Variants in RANBP9 observed in about 807,000 individuals in gnomAD.
RANBP9 encodes ran-binding protein 9.
Under a neutral mutation model 84.3 loss-of-function variants are expected in RANBP9, and 15 were observed. That is an observed-to-expected ratio of 0.18 (90% CI 0.12 to 0.27). The LOEUF (loss-of-function observed/expected upper bound fraction) is 0.27, where lower values mean the gene tolerates loss of function less well. RANBP9 is among the 10% of genes least tolerant of loss of function. The pLI, the probability that RANBP9 is intolerant of heterozygous loss-of-function variation, is 1.00. For missense variants in RANBP9, 809 were observed against 912.8 expected (o/e 0.89, Z 1.46); for synonymous variants, 392 against 349.6 (o/e 1.12, Z -1.35).
chr6:13,659,257 T>C (rs3839574), intron 2 of RANBP9, among the ~76,000 whole-genome samples: 2,336 of 130,494 alleles, frequency 0.018, 65 homozygotes, highest in East Asian at 0.086. Flanking sequence ...CACACACACA[T>C]ACACACACAC....
In RANBP9 at chr6:13,626,714, T is replaced by C. The variant is rs142561345; in HGVS notation, c.1948-950A>G. ...CTGCAGAAACTGTCAATTTGTGAGT[T>C]CAGGAACACAACACTTTGAAAATAC... On this transcript the variant is annotated intron_variant, in intron 12 of 13. Coordinates refer to ENST00000011619, the MANE Select transcript of RANBP9 (RefSeq NM_005493.3). Among the ~76,000 whole-genome samples, 540 of 152,284 alleles carry C rather than the reference T, an allele frequency of 3.5e-3. 1 individual carries two copies. The highest frequency in any genetic ancestry group is 0.012 in the African/African-American group (502 of 41,542).
intron 4 of RANBP9, among the ~76,000 whole-genome samples, chr6:13,652,899 TACACA>T (rs1196445288): frequency 6.6e-6 from 1 of 152,162 alleles, no homozygotes; most frequent in Non-Finnish European, 1.5e-5. Flanking sequence ...TTGCTAGTCA[TACACA>T]AATTTTATTT....
At chr6:13,684,005 A>G (rs969161928) in intron 2 of RANBP9, among the ~76,000 whole-genome samples, 1 of 152,210 alleles carries the variant, frequency 6.6e-6, no homozygotes, top group Non-Finnish European at 1.5e-5. Flanking sequence ...GGTTTTTAGA[A>G]CATATCCAAA....
intron 13 of RANBP9, among the ~76,000 whole-genome samples, chr6:13,625,226 G>A (rs766423024): frequency 1.3e-5 from 2 of 152,198 alleles, no homozygotes; most frequent in Admixed American, 6.5e-5. Flanking sequence ...GCAGCCAAAC[G>A]AGAGAATGCC....
At chr6:13,635,003 C>T (rs1340957644) in intron 10 of RANBP9, among the ~76,000 whole-genome samples, 2 of 152,194 alleles carry the variant, frequency 1.3e-5, no homozygotes, top group Non-Finnish European at 2.9e-5. Flanking sequence ...GAACCCGCTT[C>T]ACCTCGTTCC....
At chr6:13,704,097 T>C (rs1758039172) in intron 1 of RANBP9, among the ~76,000 whole-genome samples, 1 of 152,238 alleles carries the variant, frequency 6.6e-6, no homozygotes, top group Non-Finnish European at 1.5e-5. Context: ...CAAATATATC[T>C]GCCTTTCTCT....
At chr6:13,672,287 G>T (rs946985631) in intron 2 of RANBP9, among the ~76,000 whole-genome samples, 3 of 152,032 alleles carry the variant, frequency 2.0e-5, no homozygotes, top group African/African-American at 7.2e-5. Flanking sequence ...TTCTTTTGAA[G>T]GTCCGTTCAG....
At chr6:13,625,597 T>G (rs1584905960) in intron 13 of RANBP9, 56 bp downstream of exon 13, 2 of 1,274,082 alleles carry the variant, frequency 1.6e-6, no homozygotes, top group East Asian at 4.7e-5. Context: ...ACAAACACCC[T>G]CTCTTAAATT....
intron 11 of RANBP9, among the ~76,000 whole-genome samples, chr6:13,633,579 G>A (rs1049694280): frequency 2.0e-5 from 3 of 152,228 alleles, no homozygotes; most frequent in Non-Finnish European, 4.4e-5. Context: ...CACACAGCTA[G>A]TAAATGGCAG....
intron 2 of RANBP9, among the ~76,000 whole-genome samples, chr6:13,660,344 A>G (rs1258990825): frequency 6.6e-6 from 1 of 152,014 alleles, no homozygotes; most frequent in Non-Finnish European, 1.5e-5. Flanking sequence ...CCTTGTCTCA[A>G]AAAAAAACAA....
chr6:13,698,124 C>A (rs1189528572), intron 1 of RANBP9, among the ~76,000 whole-genome samples: 4 of 152,064 alleles, frequency 2.6e-5, no homozygotes, highest in Middle Eastern at 3.2e-3. Flanking sequence ...ACTTGCAATG[C>A]AAATTAGTAC....
intron 2 of RANBP9, among the ~76,000 whole-genome samples, chr6:13,688,967 C>T (rs1766260502): frequency 7.7e-6 from 1 of 129,280 alleles, no homozygotes; most frequent in Non-Finnish European, 1.6e-5. Flanking sequence ...TGCAACATAC[C>T]GAGACCCATC....
chr6:13,689,434 C>G (rs1252342204), intron 2 of RANBP9, among the ~76,000 whole-genome samples: 1 of 152,002 alleles, frequency 6.6e-6, no homozygotes, highest in Non-Finnish European at 1.5e-5. Flanking sequence ...CCACACCCAG[C>G]TAATTTTTGT....
chr6:13,682,493 C>T (rs1584940427), intron 2 of RANBP9, among the ~76,000 whole-genome samples: 2 of 151,416 alleles, frequency 1.3e-5, no homozygotes, highest in Admixed American at 1.3e-4. Context: ...GCTCTTGTTG[C>T]CCAGCCTGCA....
At chr6:13,674,835 T>A (rs1765853857) in intron 2 of RANBP9, among the ~76,000 whole-genome samples, 1 of 152,212 alleles carries the variant, frequency 6.6e-6, no homozygotes, top group Non-Finnish European at 1.5e-5. Context: ...ACCCTTACTT[T>A]AAAGTAGTTA....
intron 2 of RANBP9, among the ~76,000 whole-genome samples, chr6:13,665,504 T>C (rs1451265022): frequency 6.6e-6 from 1 of 152,134 alleles, no homozygotes; most frequent in Non-Finnish European, 1.5e-5. Context: ...TTGCCAAGCA[T>C]ATGGCACAAC....
intron 5 of RANBP9, among the ~76,000 whole-genome samples, chr6:13,649,947 T>C (rs529671182): frequency 6.6e-6 from 1 of 152,316 alleles, no homozygotes; most frequent in Admixed American, 6.5e-5. Context: ...TCCAATCCAT[T>C]AGCCAATTCT....
intron 9 of RANBP9, among the ~76,000 whole-genome samples, chr6:13,638,909 T>C (rs939970826): frequency 1.3e-5 from 2 of 152,154 alleles, no homozygotes; most frequent in Admixed American, 6.5e-5. Context: ...TGGTAACCAG[T>C]GGCATAAGGT....
At chr6:13,684,358 A>G (rs1766116794) in intron 2 of RANBP9, among the ~76,000 whole-genome samples, 2 of 152,190 alleles carry the variant, frequency 1.3e-5, no homozygotes, top group African/African-American at 4.8e-5. Context: ...TAAATCTCTC[A>G]TTTTGTCTGA....
Sources: allele counts gnomAD v4.1 joint callset (sites outside exome capture counted in the v4.1 genomes callset), GRCh38; gene constraint gnomAD v4.1.1; transcripts MANE v1.5; gene names NCBI Gene and HGNC (gene_info 2026-07-23, HGNC 2026-07-21).